INPP4B: variants seen among roughly 807,000 people sequenced by gnomAD.
INPP4B encodes the protein inositol polyphosphate-4-phosphatase type II B.
A neutral mutation model predicts 122.5 loss-of-function variants in INPP4B; 55 were observed. The ratio of observed to expected loss-of-function variants is 0.45; its 90% CI spans 0.36 to 0.56. The LOEUF is 0.56. Among genes scored for constraint, INPP4B ranks in the 20% least tolerant of loss-of-function variants. INPP4B has a pLI of 0.00. For synonymous variants in INPP4B, 403 were observed against 388.7 expected, an observed-to-expected ratio of 1.04 and a Z score of -0.43; for missense variants, 1,000 against 1,097.7, an observed-to-expected ratio of 0.91 and a Z score of 1.26.
intron 15 of INPP4B, among the ~76,000 whole-genome samples, chr4:142,182,317 G>A (rs914154706): frequency 2.0e-5 from 3 of 152,082 alleles, no homozygotes; most frequent in African/African-American, 7.2e-5. Flanking sequence ...GGGAGGCTGA[G>A]GTGGGCGGAT....
chr4:142,390,892 T>C (rs1797461793), intron 7 of INPP4B, among the ~76,000 whole-genome samples: 1 of 152,146 alleles, frequency 6.6e-6, no homozygotes, highest in South Asian at 2.1e-4. Flanking sequence ...TCCTAGAATA[T>C]GGTGTCTTTT....
chr4:142,708,813 C>G (rs901008919), intron 2 of INPP4B, among the ~76,000 whole-genome samples: 2 of 152,174 alleles, frequency 1.3e-5, no homozygotes, highest in Admixed American at 1.3e-4. Context: ...TCCACTGTGG[C>G]ACTGCCTAGC....
chr4:142,446,896 C>T (rs12644565), intron 3 of INPP4B, among the ~76,000 whole-genome samples: 21,107 of 152,080 alleles, frequency 0.14, 1,792 homozygotes, highest in East Asian at 0.37. Flanking sequence ...AGGCTACATA[C>T]ACAAGAGGTA....
chr4:142,227,945 T>G (rs1852347123), intron 12 of INPP4B, among the ~76,000 whole-genome samples: 1 of 151,334 alleles, frequency 6.6e-6, no homozygotes, highest in African/African-American at 2.4e-5. Context: ...ACTTAAAAAT[T>G]TTAAACCAAG....
chr4:142,728,122 G>T (rs959812832), intron 1 of INPP4B, among the ~76,000 whole-genome samples: 4 of 152,166 alleles, frequency 2.6e-5, no homozygotes, highest in Non-Finnish European at 4.4e-5. Context: ...TCAATTTCTT[G>T]TTAAAGTGGT....
At chr4:142,070,264 A>T (rs992788062) in intron 25 of INPP4B, among the ~76,000 whole-genome samples, 3 of 152,188 alleles carry the variant, frequency 2.0e-5, no homozygotes, top group African/African-American at 7.2e-5. Flanking sequence ...GAAGCATAAA[A>T]TGCCTTCGAC....
intron 2 of INPP4B, among the ~76,000 whole-genome samples, chr4:142,514,792 C>CTTTTTT (rs3078620): frequency 8.2e-5 from 10 of 121,782 alleles, no homozygotes; most frequent in East Asian, 5.0e-4. Context: ...ACCATGATTT[C>CTTTTTT]TTTTTTTTTT....
intron 1 of INPP4B, among the ~76,000 whole-genome samples, chr4:142,838,560 CA>C (rs1561127246): frequency 6.6e-6 from 1 of 151,638 alleles, no homozygotes; most frequent in African/African-American, 2.4e-5. Flanking sequence ...CAGTAAATTT[CA>C]AAAAAAGTCA....
intron 25 of INPP4B, among the ~76,000 whole-genome samples, chr4:142,079,557 T>C (rs1211736694): frequency 6.6e-6 from 1 of 152,104 alleles, no homozygotes; most frequent in East Asian, 1.9e-4. Flanking sequence ...CACTGTTGTA[T>C]GTGCGGTAGG....
chr4:142,572,577 T>C (rs751241806), intron 2 of INPP4B, among the ~76,000 whole-genome samples: 13 of 152,022 alleles, frequency 8.6e-5, no homozygotes, highest in Non-Finnish European at 1.8e-4. Context: ...TGTAGTAGGA[T>C]TGGAATGGAT....
chr4:142,607,224 T>C (rs1477773142), intron 2 of INPP4B, among the ~76,000 whole-genome samples: 1 of 152,064 alleles, frequency 6.6e-6, no homozygotes, highest in African/African-American at 2.4e-5. Context: ...ATAATTAAAT[T>C]AATCATTCCC....
At chr4:142,634,228 A>G (rs1361270506) in intron 2 of INPP4B, among the ~76,000 whole-genome samples, 1 of 152,206 alleles carries the variant, frequency 6.6e-6, no homozygotes, top group Non-Finnish European at 1.5e-5. Flanking sequence ...CCAGATTTAG[A>G]TGGCTTGGCT....
intron 3 of INPP4B, among the ~76,000 whole-genome samples, chr4:142,433,280 A>C (rs1281284028): frequency 6.6e-6 from 1 of 152,110 alleles, no homozygotes; most frequent in African/African-American, 2.4e-5. Flanking sequence ...CCTACTTGCA[A>C]AATTTTTTCA....
chr4:142,254,728 T>C (rs1396980578), intron 11 of INPP4B, among the ~76,000 whole-genome samples: 5 of 152,142 alleles, frequency 3.3e-5, no homozygotes, highest in African/African-American at 7.2e-5. Flanking sequence ...CTACGTCTGA[T>C]TGGTGTACCT....
chr4:142,255,079 C>G (rs1423648441), intron 11 of INPP4B, among the ~76,000 whole-genome samples: 3 of 151,724 alleles, frequency 2.0e-5, no homozygotes, highest in East Asian at 1.9e-4. Flanking sequence ...AATTTTCAAC[C>G]CAGAATTTCA....
intron 2 of INPP4B, among the ~76,000 whole-genome samples, chr4:142,725,166 T>C (rs1352029793): frequency 1.3e-5 from 2 of 152,174 alleles, no homozygotes; most frequent in African/African-American, 4.8e-5. Flanking sequence ...TGTACATGCG[T>C]ATGTCATTAG....
intron 2 of INPP4B, among the ~76,000 whole-genome samples, chr4:142,498,612 A>G (rs1560726101): frequency 6.6e-6 from 1 of 151,830 alleles, no homozygotes; most frequent in African/African-American, 2.4e-5. Flanking sequence ...AACATGGCAA[A>G]ACCCCATCTC....
At chr4:142,207,747 T>C (rs548491978) in intron 14 of INPP4B, among the ~76,000 whole-genome samples, 33 of 152,282 alleles carry the variant, frequency 2.2e-4, no homozygotes, top group African/African-American at 7.9e-4. Context: ...TAAATTTGCA[T>C]AATTGCTATA....
chr4:142,370,918 G>A (rs943515705), intron 7 of INPP4B, among the ~76,000 whole-genome samples: 1 of 151,988 alleles, frequency 6.6e-6, no homozygotes, highest in Non-Finnish European at 1.5e-5. Context: ...CCTCATAGAA[G>A]TAGAAAAAGA....
Sources: allele counts gnomAD v4.1 joint callset (sites outside exome capture counted in the v4.1 genomes callset), GRCh38; gene constraint gnomAD v4.1.1; transcripts MANE v1.5; gene names NCBI Gene and HGNC (gene_info 2026-07-23, HGNC 2026-07-21).